GLYR1: variants seen among roughly 807,000 people sequenced by gnomAD.
GLYR1 encodes cytokine-like nuclear factor N-PAC.
A neutral mutation model predicts 72.7 loss-of-function variants in GLYR1; 21 were observed. The ratio of observed to expected loss-of-function variants is 0.29; its 90% CI spans 0.20 to 0.42. The LOEUF (loss-of-function observed/expected upper bound fraction) is 0.42. Among genes scored for constraint, GLYR1 ranks in the 10% least tolerant of loss-of-function variants. GLYR1 has a pLI of 1.00. For missense variants in GLYR1, 594 were observed against 712.1 expected (o/e 0.83, Z 1.89); for synonymous variants, 392 against 270.2 (o/e 1.45, Z -4.42).
chr16:4,832,979 C>T, intron 3 of GLYR1, 67 bp from the exon 4 acceptor site: 1 of 1,418,542 alleles, frequency 7.0e-7, no homozygotes, highest in South Asian at 1.6e-5. Flanking sequence ...TCAACAACCT[C>T]ACTATGGCAC....
chr16:4,843,249 G>A (rs1016110076), intron 3 of GLYR1, among the ~76,000 whole-genome samples: 2 of 152,114 alleles, frequency 1.3e-5, no homozygotes, highest in Admixed American at 1.3e-4. Flanking sequence ...CTGCCTCCTG[G>A]GTTCAGGCAA....
rs1233004168 is a variant in GLYR1, at chr16:4,843,315, TG to T, written c.155+1758del. On this transcript the variant is annotated intron_variant, in intron 3 of 15. Coordinates refer to ENST00000321919, the MANE Select transcript of GLYR1 (RefSeq NM_032569.4). ...GATTACAGGTAGACGCCAACACTCC[TG>T]GCTAATTTTTGTATTTTTTGTAGAG... 1.3e-5 allele frequency: 4 copies of T among 310,798 alleles called. No individual in the cohort carries two copies. The East Asian group carries it at 4.6e-4, about 36-fold the overall frequency. 19.3% of individuals were successfully genotyped at this position (310,798 alleles called of 1,614,324 possible). A position where few individuals can be genotyped will look rare whatever the true frequency, so the allele number is the denominator to read the frequency against.
intron 10 of GLYR1, among the ~76,000 whole-genome samples, chr16:4,814,997 T>TG (rs2141964800): frequency 6.6e-6 from 1 of 152,356 alleles, no homozygotes; most frequent in African/African-American, 2.4e-5. Flanking sequence ...GCTGGGAATG[T>TG]GGGGATGTCG....
intron 10 of GLYR1, among the ~76,000 whole-genome samples, chr16:4,816,945 C>A (rs531424452): frequency 1.6e-5 from 2 of 128,726 alleles, no homozygotes; most frequent in African/African-American, 5.6e-5. Context: ...CGAGATTGTG[C>A]CATTTTTTTT....
chr16:4,807,330 C>T (rs751967032), intron 15 of GLYR1, among the ~76,000 whole-genome samples: 2 of 151,908 alleles, frequency 1.3e-5, no homozygotes, highest in Non-Finnish European at 1.5e-5. Context: ...CCAGGCTGAT[C>T]TCGAACTCCT....
chr16:4,821,719 T>C (rs1213181947), intron 7 of GLYR1, 122 bp from the exon 8 acceptor site: 14 of 860,564 alleles, frequency 1.6e-5, no homozygotes, highest in African/African-American at 8.4e-5. Context: ...TTTTATACTT[T>C]AGTGAACTCC....
chr16:4,822,596 G>A (rs1231454829), intron 7 of GLYR1, among the ~76,000 whole-genome samples: 3 of 152,112 alleles, frequency 2.0e-5, no homozygotes, highest in Non-Finnish European at 4.4e-5. Flanking sequence ...TCACCATGTT[G>A]GTCAGACTGG....
At chr16:4,840,119 C>CAAT (rs1229230727) in intron 3 of GLYR1, 2 of 152,406 alleles carry the variant, frequency 1.3e-5, no homozygotes, top group African/African-American at 4.8e-5. Context: ...AATCCCCTTG[C>CAAT]AATACCTGTT....
chr16:4,828,963 G>C (rs777565614), intron 5 of GLYR1, among the ~76,000 whole-genome samples: 8 of 152,084 alleles, frequency 5.3e-5, no homozygotes, highest in Non-Finnish European at 1.0e-4. Context: ...TTGGGAAATA[G>C]CATAAAATCT....
In GLYR1 at chr16:4,811,824, G is replaced by C. The variant is rs144342530; in HGVS notation, c.1283-22C>G. The C allele has an allele frequency of 2.1e-3, 3,397 of 1,602,752 alleles. 72 individuals carry two copies. In the African/African-American group the frequency reaches 0.04, roughly 19 times the overall value. ...TCACCTGCCCAGGGTAAAGACTCAC[G>C]GTCACAGCCCAAGAATGCCACAGAC... On this transcript the variant is annotated intron_variant, in intron 13 of 15. Coordinates refer to ENST00000321919, the MANE Select transcript of GLYR1 (RefSeq NM_032569.4).
At chr16:4,827,120 C>T (rs2084430736) in intron 5 of GLYR1, among the ~76,000 whole-genome samples, 1 of 152,256 alleles carries the variant, frequency 6.6e-6, no homozygotes. Flanking sequence ...TCCCTGCCTG[C>T]CTCCGCCATC....
chr16:4,820,423 TA>T (rs1359650647), intron 9 of GLYR1, among the ~76,000 whole-genome samples: 4 of 152,222 alleles, frequency 2.6e-5, no homozygotes, highest in Non-Finnish European at 5.9e-5. Context: ...ACTCTTTTAT[TA>T]AAAGTTTGAC....
chr16:4,811,254 T>C lies in GLYR1; in HGVS notation c.1503A>G (p.Lys501=). ...CTAAGCGGAGATCCTTCTGAATGTA[T>C]TTCAGGTAGAAATCAGGCTTAAAGT... ...QGNFKPDFYL[K]YIQKDLRLAI... Residue 501 remains lysine (K), a synonymous_variant, in exon 15 of 16, where the codon AAA becomes AAG. Transcript: ENST00000321919. 1 of 1,614,178 alleles carries C rather than the reference T, an allele frequency of 6.2e-7. No homozygotes were observed. The highest frequency in any genetic ancestry group is 8.5e-7 in the Non-Finnish European group (1 of 1,180,030).
At chr16:4,847,143 G>A in intron 1 of GLYR1, 85 bp downstream of exon 1, 2 of 1,297,576 alleles carry the variant, frequency 1.5e-6, no homozygotes, top group Non-Finnish European at 2.2e-6. Context: ...CGCATAAAAA[G>A]GCAGCTCCAG....
intron 5 of GLYR1, 86 bp downstream of exon 5, chr16:4,831,893 T>G: frequency 2.0e-6 from 3 of 1,513,036 alleles, no homozygotes; most frequent in Non-Finnish European, 1.8e-6. Context: ...TAGATAAGCA[T>G]ACTACATAAG....
At position 4,823,872 on chromosome 16, in the gene GLYR1, C is replaced by G. The variant is rs1255397745; in HGVS notation, c.573G>C (p.Gly191=). The change falls in exon 6 of 16, where the codon GGG becomes GGC. Residue 191 remains glycine, a synonymous_variant. Coordinates refer to ENST00000321919, the MANE Select transcript of GLYR1 (RefSeq NM_032569.4). ...LTIPESSTVK[G]MMAGPMAAFK... Reference sequence around the variant, plus strand: ...ACGCGGCCATCGGTCCGGCCATCATCCCCTTCACGGTACTAGACTCCGGGA... The same window carrying G: ...ACGCGGCCATCGGTCCGGCCATCATGCCCTTCACGGTACTAGACTCCGGGA... 6.2e-7 allele frequency: 1 copy of G among 1,614,134 alleles called. No individual in the cohort carries two copies. Among genetic ancestry groups the G allele is most frequent in the South Asian group, 1.1e-5 (1 of 91,082 alleles).
chr16:4,846,859 T>C (rs1434146559), intron 1 of GLYR1: 3 of 337,096 alleles, frequency 8.9e-6, no homozygotes, highest in African/African-American at 6.7e-5. Context: ...ATCTCGCAGG[T>C]CCGGTCCCCG....
intron 14 of GLYR1, 43 bp from the exon 15 acceptor site, chr16:4,811,337 A>T (rs373921540): frequency 5.0e-6 from 8 of 1,609,814 alleles, no homozygotes; most frequent in African/African-American, 2.7e-5. Context: ...CAAGGACCTG[A>T]AACTAAAAAC....
intron 3 of GLYR1, among the ~76,000 whole-genome samples, chr16:4,837,874 T>C (rs1814122005): frequency 6.6e-6 from 1 of 151,792 alleles, no homozygotes; most frequent in South Asian, 2.1e-4. Context: ...GAGGTTGCAG[T>C]GAGCCAAGAT....
Sources: allele counts gnomAD v4.1 joint callset (sites outside exome capture counted in the v4.1 genomes callset), GRCh38; gene constraint gnomAD v4.1.1; transcripts MANE v1.5; gene names NCBI Gene and HGNC (gene_info 2026-07-23, HGNC 2026-07-21).